The following ZNF664 variants were observed in gnomAD, a reference collection of about 807,000 sequenced individuals.
ZNF664 encodes the protein zinc finger Organ of Corti 1.
ZNF664 carries 10 observed loss-of-function variants against 18.2 expected under a neutral mutation model. The observed-to-expected ratio is 0.55, with a 90% confidence interval of 0.34 to 0.93. ZNF664 has a LOEUF of 0.93. ZNF664 is among the 40% of genes least tolerant of loss of function. ZNF664 has a pLI of 0.02. For synonymous variants in ZNF664, 119 were observed against 104.2 expected (o/e 1.14, Z -0.86); for missense variants, 193 against 319.0 (o/e 0.61, Z 3.01).
chr12:123,974,263 G>A (rs1725727499), intron 2 of ZNF664: 1 of 382,834 alleles, frequency 2.6e-6, no homozygotes, highest in South Asian at 1.5e-4. Flanking sequence ...AATCTCCCCG[G>A]GAGCCTGCTC....
At chr12:123,977,304 T>A (rs1436436267) in intron 2 of ZNF664, among the ~76,000 whole-genome samples, 1 of 151,978 alleles carries the variant, frequency 6.6e-6, no homozygotes, top group Non-Finnish European at 1.5e-5. Context: ...GAAGTGAGGC[T>A]CTAAAATGAA....
At chr12:123,996,387 C>A (rs1278278043) in intron 3 of ZNF664, among the ~76,000 whole-genome samples, 1 of 152,006 alleles carries the variant, frequency 6.6e-6, no homozygotes, top group East Asian at 1.9e-4. Flanking sequence ...TGAGTGTGAG[C>A]ATAAGTGGTG....
chr12:124,004,696 T>C (rs906629553), intron 3 of ZNF664, among the ~76,000 whole-genome samples: 1 of 152,166 alleles, frequency 6.6e-6, no homozygotes, highest in African/African-American at 2.4e-5. Flanking sequence ...CATCTATTTA[T>C]AGCTGCTCCC....
intron 1 of ZNF664, chr12:123,973,682 C>T (rs902577151): frequency 1.1e-5 from 10 of 915,808 alleles, no homozygotes; most frequent in African/African-American, 3.5e-5. Context: ...GGCGAGGCCC[C>T]TCGGGAGCCG....
At chr12:123,985,534 T>C (rs564851312) in intron 2 of ZNF664, among the ~76,000 whole-genome samples, 1 of 152,372 alleles carries the variant, frequency 6.6e-6, no homozygotes, top group African/African-American at 2.4e-5. Context: ...ACTAATAGTA[T>C]GGCTAATAGA....
chr12:123,986,459 C>T (rs1361784627), intron 2 of ZNF664, among the ~76,000 whole-genome samples: 3 of 152,128 alleles, frequency 2.0e-5, no homozygotes, highest in African/African-American at 2.4e-5. Flanking sequence ...AACCTTTTAG[C>T]TCCTCCTTGC....
chr12:123,974,568 C>T (rs1390148515), intron 2 of ZNF664: 1 of 152,208 alleles, frequency 6.6e-6, no homozygotes, highest in Admixed American at 6.5e-5. Flanking sequence ...CAGAGTAGTA[C>T]ATTTTCTTTG....
intron 3 of ZNF664, among the ~76,000 whole-genome samples, chr12:124,005,482 A>AGTGT (rs751514633): frequency 0.03 from 2,740 of 91,864 alleles, 106 homozygotes; most frequent in East Asian, 0.19. Context: ...TAATTTATAG[A>AGTGT]ATGTGTGTGT....
At chr12:123,985,577 G>T (rs116598120) in intron 2 of ZNF664, among the ~76,000 whole-genome samples, 2 of 152,276 alleles carry the variant, frequency 1.3e-5, no homozygotes, top group South Asian at 4.1e-4. Context: ...AAAATATTTC[G>T]TTAAGAAAAG....
intron 3 of ZNF664, among the ~76,000 whole-genome samples, chr12:123,996,971 T>TCAGA (rs1315785308): frequency 6.6e-6 from 1 of 152,218 alleles, no homozygotes; most frequent in East Asian, 1.9e-4. Context: ...CTTTTTGGTG[T>TCAGA]CAGAGGTGAA....
chr12:123,988,721 T>G (rs1211700869), intron 3 of ZNF664, among the ~76,000 whole-genome samples: 1 of 152,122 alleles, frequency 6.6e-6, no homozygotes, highest in Non-Finnish European at 1.5e-5. Flanking sequence ...CCAGCACAAC[T>G]ATTTTTTTAC....
At chr12:123,995,250 AGTTT>A (rs1393354810) in intron 3 of ZNF664, among the ~76,000 whole-genome samples, 2 of 152,220 alleles carry the variant, frequency 1.3e-5, no homozygotes, top group East Asian at 3.8e-4. Flanking sequence ...TAAAAAAAAT[AGTTT>A]ACAGACAAAG....
intron 3 of ZNF664, among the ~76,000 whole-genome samples, chr12:124,007,914 T>G (rs902168): frequency 0.019 from 2,895 of 152,338 alleles, 47 homozygotes; most frequent in Non-Finnish European, 0.031. Context: ...TGTTCTTCAC[T>G]GTGCATCTCT....
chr12:123,979,246 C>T (rs766013454), intron 2 of ZNF664, among the ~76,000 whole-genome samples: 4 of 152,194 alleles, frequency 2.6e-5, no homozygotes, highest in Non-Finnish European at 5.9e-5. Flanking sequence ...ATAGAATTAA[C>T]AAATTAGGTA....
chr12:124,002,545 C>G (rs936819531), intron 3 of ZNF664, among the ~76,000 whole-genome samples: 1 of 152,060 alleles, frequency 6.6e-6, no homozygotes, highest in Non-Finnish European at 1.5e-5. Context: ...GTGACCGTGG[C>G]CTGGATAGGG....
intron 1 of ZNF664, 193 bp downstream of exon 1, chr12:123,973,545 G>C (rs1208144744): frequency 2.8e-6 from 1 of 361,388 alleles, no homozygotes; most frequent in African/African-American, 2.2e-5. Flanking sequence ...GGCGGGTCCC[G>C]GGCTGAGAAG....
At chr12:123,990,486 T>A (rs1956876790) in intron 3 of ZNF664, among the ~76,000 whole-genome samples, 1 of 152,184 alleles carries the variant, frequency 6.6e-6, no homozygotes, top group African/African-American at 2.4e-5. Flanking sequence ...CCCTGTGACC[T>A]TCAGGTGTTC....
chr12:124,005,482 AATGTGTGTGT>A (rs1383580587), intron 3 of ZNF664, among the ~76,000 whole-genome samples: 1 of 91,832 alleles, frequency 1.1e-5, no homozygotes, highest in East Asian at 2.4e-4. Context: ...TAATTTATAG[AATGTGTGTGT>A]GTGTGTGTGT....
At chr12:123,997,017 T>TGGGAGACAGAAGCAAAGAATAA (rs1555272203) in intron 3 of ZNF664, among the ~76,000 whole-genome samples, 2 of 152,152 alleles carry the variant, frequency 1.3e-5, no homozygotes, top group Admixed American at 1.3e-4. Flanking sequence ...TTTGTTTCCT[T>TGGGAGACAGAAGCAAAGAATAA]GGGAGACAGA....
Sources: allele counts gnomAD v4.1 joint callset (sites outside exome capture counted in the v4.1 genomes callset), GRCh38; gene constraint gnomAD v4.1.1; transcripts MANE v1.5; gene names NCBI Gene and HGNC (gene_info 2026-07-23, HGNC 2026-07-21).